Variants in AEBP2 observed in about 807,000 individuals in gnomAD.
The protein encoded by AEBP2 is AE binding protein 2.
In AEBP2, 10 loss-of-function variants were observed where a neutral mutation model predicts 50.8. The observed-to-expected ratio is 0.20, with a 90% CI of 0.12 to 0.33. The LOEUF (loss-of-function observed/expected upper bound fraction) is 0.33. Ranked by LOEUF, AEBP2 falls within the 10% of genes least tolerant of loss-of-function variation. The pLI is 1.00. For missense variants in AEBP2, 570 were observed against 688.0 expected (o/e 0.83, Z 1.92); for synonymous variants, 296 against 261.3 (o/e 1.13, Z -1.28).
chr12:19,454,298 A>G (rs568907037), intron 1 of AEBP2, among the ~76,000 whole-genome samples: 2 of 152,342 alleles, frequency 1.3e-5, no homozygotes, highest in African/African-American at 2.4e-5. Context: ...CACAAATGCA[A>G]AAGTGACCAG....
At chr12:19,497,963 A>T (rs1441629001) in intron 4 of AEBP2, among the ~76,000 whole-genome samples, 1 of 152,220 alleles carries the variant, frequency 6.6e-6, no homozygotes, top group Non-Finnish European at 1.5e-5. Context: ...ACGTACTCTA[A>T]TGGATCATGA....
At chr12:19,515,472 G>C (rs550685187) in intron 7 of AEBP2, among the ~76,000 whole-genome samples, 1 of 152,292 alleles carries the variant, frequency 6.6e-6, no homozygotes, top group South Asian at 2.1e-4. Context: ...AAGTTTGCAC[G>C]AATGTGGTTG....
chr12:19,454,702 CG>C (rs1480902324), intron 1 of AEBP2, among the ~76,000 whole-genome samples: 13 of 151,974 alleles, frequency 8.6e-5, no homozygotes, highest in Non-Finnish European at 1.5e-5. Context: ...CTTGCTTTGG[CG>C]GCACATACAC....
chr12:19,484,495 C>G (rs1464469859), intron 3 of AEBP2, among the ~76,000 whole-genome samples: 1 of 151,826 alleles, frequency 6.6e-6, no homozygotes, highest in Non-Finnish European at 1.5e-5. Flanking sequence ...CTGCCTCAGC[C>G]TCCCGAGTAG....
intron 1 of AEBP2, among the ~76,000 whole-genome samples, chr12:19,423,600 T>C (rs936794916): frequency 6.6e-6 from 1 of 152,186 alleles, no homozygotes; most frequent in African/African-American, 2.4e-5. Context: ...CTTCCACTTA[T>C]ATAAATCAGC....
chr12:19,514,890 A>G, intron 7 of AEBP2, 106 bp downstream of exon 7: 1 of 777,082 alleles, frequency 1.3e-6, no homozygotes. Context: ...TTTAATACCA[A>G]GCATATCTCA....
chr12:19,488,366 G>A (rs975756722), intron 3 of AEBP2, among the ~76,000 whole-genome samples: 5 of 148,222 alleles, frequency 3.4e-5, no homozygotes, highest in African/African-American at 1.3e-4. Flanking sequence ...GGGCTTAATC[G>A]ATCCGCTCAC....
intron 1 of AEBP2, among the ~76,000 whole-genome samples, chr12:19,425,773 CAAAAAA>C (rs11317571): frequency 1.0e-4 from 5 of 47,892 alleles, no homozygotes; most frequent in African/African-American, 3.6e-4. Context: ...GACTCCATCT[CAAAAAA>C]AAAAAAAAAA....
At chr12:19,457,938 G>C (rs1167261732) in intron 1 of AEBP2, among the ~76,000 whole-genome samples, 1 of 152,192 alleles carries the variant, frequency 6.6e-6, no homozygotes, top group Non-Finnish European at 1.5e-5. Context: ...CATAGTGTGA[G>C]TGTATTGTCT....
At chr12:19,467,050 T>C (rs1948489497) in intron 2 of AEBP2, among the ~76,000 whole-genome samples, 1 of 152,182 alleles carries the variant, frequency 6.6e-6, no homozygotes, top group South Asian at 2.1e-4. Context: ...TTTCCTGGCC[T>C]GATTTCTACA....
chr12:19,452,778 C>T (rs537973376), intron 1 of AEBP2, among the ~76,000 whole-genome samples: 139 of 152,010 alleles, frequency 9.1e-4, no homozygotes, highest in Admixed American at 2.3e-3. Context: ...ATTATAAGGG[C>T]GGGAGAGACA....
At chr12:19,428,020 T>C (rs1196018004) in intron 1 of AEBP2, among the ~76,000 whole-genome samples, 1 of 152,064 alleles carries the variant, frequency 6.6e-6, no homozygotes, top group Non-Finnish European at 1.5e-5. Context: ...GTGGATCGCT[T>C]GAGCTCAGGA....
intron 1 of AEBP2, among the ~76,000 whole-genome samples, chr12:19,451,686 ATTT>A (rs34094890): frequency 5.0e-4 from 73 of 146,836 alleles, no homozygotes; most frequent in Admixed American, 6.1e-4. Context: ...CCATCTTTTA[ATTT>A]TTTTTTTTTT....
intron 1 of AEBP2, among the ~76,000 whole-genome samples, chr12:19,415,147 T>TAA (rs375697488): frequency 6.9e-6 from 1 of 144,334 alleles, no homozygotes; most frequent in African/African-American, 2.6e-5. Context: ...CCATCTCTAC[T>TAA]AAAAAAAAAT....
intron 1 of AEBP2, among the ~76,000 whole-genome samples, chr12:19,455,420 T>C (rs961120822): frequency 3.9e-5 from 6 of 152,222 alleles, no homozygotes; most frequent in Non-Finnish European, 8.8e-5. Context: ...AGTGAACTTT[T>C]CTCAGTTACT....
intron 7 of AEBP2, among the ~76,000 whole-genome samples, chr12:19,517,750 G>C (rs920724794): frequency 6.6e-6 from 1 of 152,160 alleles, no homozygotes; most frequent in Non-Finnish European, 1.5e-5. Flanking sequence ...CAGTCTTTCT[G>C]CCTTGGCTTC....
In AEBP2 at chr12:19,519,412, T is replaced by G. The variant is rs1949367917; in HGVS notation, c.*1295T>G. On this transcript the variant is annotated 3_prime_UTR_variant, in exon 8 of 8. Transcript: ENST00000266508. ...ACAGACTTAAGGGACTATGTACTAC[T>G]GTTAATATCTCTAAGAACAAAACAC... 1 of 152,574 alleles carries G rather than the reference T, an allele frequency of 6.6e-6. No homozygotes were observed. The highest frequency in any genetic ancestry group is 1.5e-5 in the Non-Finnish European group (1 of 67,976). 9.5% of individuals were successfully genotyped at this position (152,574 alleles called of 1,614,324 possible). A position where few individuals can be genotyped will look rare whatever the true frequency, so the allele number is the denominator to read the frequency against.
intron 1 of AEBP2, among the ~76,000 whole-genome samples, chr12:19,442,944 C>G (rs1229963377): frequency 6.6e-6 from 1 of 152,100 alleles, no homozygotes. Flanking sequence ...GAAGGATAAT[C>G]TTAGTTTTAA....
At chr12:19,454,477 T>A (rs1048192433) in intron 1 of AEBP2, among the ~76,000 whole-genome samples, 2 of 152,166 alleles carry the variant, frequency 1.3e-5, no homozygotes, top group East Asian at 3.8e-4. Flanking sequence ...TGATTTTATG[T>A]GAATGAAGAT....
Sources: allele counts gnomAD v4.1 joint callset (sites outside exome capture counted in the v4.1 genomes callset), GRCh38; gene constraint gnomAD v4.1.1; transcripts MANE v1.5; gene names NCBI Gene and HGNC (gene_info 2026-07-23, HGNC 2026-07-21).